Variants in DGKI observed in about 807,000 individuals in gnomAD.
DGKI encodes the protein diacylglycerol kinase iota.
A neutral mutation model predicts 147.5 loss-of-function variants in DGKI; 55 were observed. That is an observed-to-expected ratio of 0.37 (90% CI 0.30 to 0.47). The LOEUF (loss-of-function observed/expected upper bound fraction) is 0.47, where lower values mean the gene tolerates loss of function less well. DGKI is among the 20% of genes least tolerant of loss of function. The pLI is 1.00. For missense variants in DGKI, 1,007 were observed against 1,323.8 expected (o/e 0.76, Z 3.71); for synonymous variants, 469 against 477.1 (o/e 0.98, Z 0.22).
intron 25 of DGKI, 83 bp from the exon 26 acceptor site, chr7:137,466,118 G>C: frequency 6.7e-7 from 1 of 1,501,122 alleles, no homozygotes; most frequent in Non-Finnish European, 9.2e-7. Flanking sequence ...ATTCTGCAAC[G>C]TGTCAAAGGA....
intron 30 of DGKI, among the ~76,000 whole-genome samples, chr7:137,399,929 A>G (rs1365500589): frequency 6.6e-6 from 1 of 151,690 alleles, no homozygotes; most frequent in East Asian, 1.9e-4. Context: ...AAAAAAAGAA[A>G]GAAAGAAAAG....
In DGKI at chr7:137,387,980, GC is replaced by G. The variant is rs1811228635; in HGVS notation, c.*3239del. On this transcript the variant is annotated 3_prime_UTR_variant, in exon 33 of 33. Coordinates refer to ENST00000614521, the MANE Select transcript of DGKI (RefSeq NM_001321708.2). ...AGTAGCTCCCAGCACAGGCAGATCT[GC>G]CAAAGCAGCCATTCTGAAAGGATAA... The G allele has an allele frequency of 6.6e-6, 1 of 152,132 alleles. No homozygotes were observed. The highest frequency in any genetic ancestry group is 2.4e-5 in the African/African-American group (1 of 41,434). The allele number at this position is 152,132 out of a possible 1,614,324, so 9.4% of individuals were successfully genotyped here. A position where few individuals can be genotyped will look rare whatever the true frequency, so the allele number is the denominator to read the frequency against.
chr7:137,714,849 G>T (rs1794329238), intron 1 of DGKI, among the ~76,000 whole-genome samples: 3 of 152,112 alleles, frequency 2.0e-5, no homozygotes, highest in Admixed American at 2.0e-4. Flanking sequence ...TTCATGCAAG[G>T]GTGTCCCTCA....
chr7:137,392,998 T>G (rs1811420256), intron 32 of DGKI, among the ~76,000 whole-genome samples: 1 of 152,196 alleles, frequency 6.6e-6, no homozygotes, highest in African/African-American at 2.4e-5. Flanking sequence ...GAATATAACG[T>G]TGAGTGAAAA....
chr7:137,381,718 C>T lies in DGKI; in HGVS notation c.*9502G>A, dbSNP rs140605115. 2.0e-5 allele frequency: 3 copies of T among 152,122 alleles called. No homozygotes were observed. Among genetic ancestry groups the T allele is most frequent in the African/African-American group, 7.2e-5 (3 of 41,494 alleles). The allele number at this position is 152,122 out of a possible 1,614,324, so 9.4% of individuals were successfully genotyped here. On this transcript the variant is annotated 3_prime_UTR_variant, in exon 33 of 33. Coordinates refer to ENST00000614521, the MANE Select transcript of DGKI (RefSeq NM_001321708.2). ...TTCAGATTCATGGTTGCCCACTTAA[C>T]TATTGGTAATTTTAAAAAACAGCCA... is the stretch of plus-strand genomic sequence containing the variant.
At chr7:137,786,488 C>T (rs1038071402) in intron 1 of DGKI, among the ~76,000 whole-genome samples, 5 of 151,968 alleles carry the variant, frequency 3.3e-5, no homozygotes, top group African/African-American at 1.2e-4. Flanking sequence ...CAAATGGAAA[C>T]ACATCCCATG....
In DGKI at chr7:137,463,750, C is replaced by A. The variant is rs114485474; in HGVS notation, c.2613-139G>T. On this transcript the variant is annotated intron_variant, in intron 26 of 32. Transcript: ENST00000614521. ...TATGAAGTGTTTACCAGATACTACC[C>A]ATTTATTATTTCATTCATTTATCTC... 6.6e-4 allele frequency: 588 copies of A among 890,354 alleles called. 3 individuals carry two copies. The African/African-American group carries it at 9.0e-3, about 14-fold the overall frequency. 55.2% of individuals were successfully genotyped at this position (890,354 alleles called of 1,614,324 possible).
intron 1 of DGKI, among the ~76,000 whole-genome samples, chr7:137,834,802 T>C (rs960526527): frequency 1.3e-5 from 2 of 152,252 alleles, no homozygotes; most frequent in Non-Finnish European, 2.9e-5. Flanking sequence ...TTTTATGCCT[T>C]AAAAGGCAGG....
intron 27 of DGKI, among the ~76,000 whole-genome samples, chr7:137,458,521 G>A (rs146409896): frequency 2.1e-4 from 32 of 152,136 alleles, no homozygotes; most frequent in African/African-American, 5.3e-4. Flanking sequence ...TCTAAGAACC[G>A]GAAAAAGGTT....
At chr7:137,618,547 C>G (rs1380862461) in intron 8 of DGKI, among the ~76,000 whole-genome samples, 2 of 151,506 alleles carry the variant, frequency 1.3e-5, no homozygotes, top group East Asian at 3.9e-4. Context: ...CTTCCTGATA[C>G]AATCGAGGTT....
Position 137,389,341 on chromosome 7 carries a change from T to C in DGKI, c.*1879A>G, listed in dbSNP as rs1811277232. ...TCCCACCAACAATTTGATTTTGAAA[T>C]GACTATGGAAAGACTGTGGTAATAA... is the stretch of plus-strand genomic sequence containing the variant. On this transcript the variant is annotated 3_prime_UTR_variant, in exon 33 of 33. Coordinates refer to ENST00000614521, the MANE Select transcript of DGKI (RefSeq NM_001321708.2). 1 of 152,176 alleles carries C rather than the reference T, an allele frequency of 6.6e-6. No individual in the cohort carries two copies. The highest frequency in any genetic ancestry group is 2.4e-5 in the African/African-American group (1 of 41,452). The allele number at this position is 152,176 out of a possible 1,614,324, so 9.4% of individuals were successfully genotyped here.
intron 1 of DGKI, among the ~76,000 whole-genome samples, chr7:137,806,648 T>C (rs1797377320): frequency 6.6e-6 from 1 of 152,272 alleles, no homozygotes; most frequent in South Asian, 2.1e-4. Flanking sequence ...TTAGCCAGGA[T>C]GGTCTCGATC....
intron 12 of DGKI, among the ~76,000 whole-genome samples, chr7:137,595,160 CATAGTT>C (rs1388780820): frequency 1.3e-5 from 2 of 152,312 alleles, no homozygotes; most frequent in East Asian, 3.9e-4. Context: ...ATGGAATACT[CATAGTT>C]ATGCTATCAT....
chr7:137,571,330 T>C, intron 18 of DGKI, 44 bp from the exon 19 acceptor site: 19 of 1,348,456 alleles, frequency 1.4e-5, no homozygotes, highest in African/African-American at 4.4e-5. Flanking sequence ...GTCCCATCCT[T>C]CTCATGACTA....
At chr7:137,716,510 G>A in intron 1 of DGKI, among the ~76,000 whole-genome samples, 1 of 152,154 alleles carries the variant, frequency 6.6e-6, no homozygotes, top group Non-Finnish European at 1.5e-5. Context: ...AGCCAGAGAT[G>A]CCAGTGAAGG....
intron 1 of DGKI, among the ~76,000 whole-genome samples, chr7:137,704,865 T>C (rs1793961607): frequency 6.6e-6 from 1 of 152,208 alleles, no homozygotes; most frequent in South Asian, 2.1e-4. Context: ...TGAGACGATA[T>C]GTTATATGTG....
intron 28 of DGKI, among the ~76,000 whole-genome samples, chr7:137,415,279 G>A (rs1812316269): frequency 6.6e-6 from 1 of 151,966 alleles, no homozygotes; most frequent in East Asian, 1.9e-4. Context: ...TAATAATAAT[G>A]ATACAACAGT....
intron 12 of DGKI, among the ~76,000 whole-genome samples, chr7:137,592,649 G>A (rs1310148144): frequency 1.3e-5 from 2 of 152,170 alleles, no homozygotes; most frequent in Non-Finnish European, 2.9e-5. Flanking sequence ...GCCAAAAAGC[G>A]AAGGACACTC....
chr7:137,615,969 G>T (rs1013254634), intron 8 of DGKI, among the ~76,000 whole-genome samples: 7 of 152,122 alleles, frequency 4.6e-5, no homozygotes, highest in African/African-American at 1.7e-4. Context: ...GTCCCCACAA[G>T]CTCACCATAC....
Sources: allele counts gnomAD v4.1 joint callset (sites outside exome capture counted in the v4.1 genomes callset), GRCh38; gene constraint gnomAD v4.1.1; transcripts MANE v1.5; gene names NCBI Gene and HGNC (gene_info 2026-07-23, HGNC 2026-07-21).